Variants in SYT16 observed in about 807,000 individuals in gnomAD.
SYT16 encodes synaptotagmin-16.
Under a neutral mutation model 61.4 loss-of-function variants are expected in SYT16, and 42 were observed. That is an observed-to-expected ratio of 0.68 (90% CI 0.53 to 0.89). The LOEUF (loss-of-function observed/expected upper bound fraction) is 0.89. Among genes scored for constraint, SYT16 ranks in the 40% least tolerant of loss-of-function variants. SYT16 has a pLI of 0.00. For missense variants in SYT16, 804 were observed against 807.3 expected (o/e 1.00, Z 0.05); for synonymous variants, 314 against 302.3 (o/e 1.04, Z -0.40).
intron 1 of SYT16, among the ~76,000 whole-genome samples, chr14:61,850,563 T>TA (rs991646642): frequency 1.3e-5 from 2 of 152,234 alleles, no homozygotes; most frequent in South Asian, 2.1e-4. Flanking sequence ...GTTCTTAAAA[T>TA]AAAAAACATT....
At chr14:61,925,351 T>C (rs1021669009) in intron 1 of SYT16, among the ~76,000 whole-genome samples, 2 of 152,212 alleles carry the variant, frequency 1.3e-5, no homozygotes, top group Non-Finnish European at 2.9e-5. Context: ...TGGCCAGTTT[T>C]AGTTAATTTG....
intron 1 of SYT16, among the ~76,000 whole-genome samples, chr14:61,920,414 C>T (rs956750135): frequency 2.0e-5 from 3 of 152,100 alleles, no homozygotes; most frequent in South Asian, 2.1e-4. Context: ...TCCTAATGCT[C>T]TCCCTCCCCT....
At chr14:61,897,637 T>G (rs369369199) in intron 1 of SYT16, among the ~76,000 whole-genome samples, 33 of 152,276 alleles carry the variant, frequency 2.2e-4, no homozygotes, top group African/African-American at 7.9e-4. Context: ...AATATGTGAT[T>G]CAGGGAGCTC....
chr14:61,828,699 A>G (rs2045847913), intron 1 of SYT16, among the ~76,000 whole-genome samples: 1 of 152,240 alleles, frequency 6.6e-6, no homozygotes, highest in South Asian at 2.1e-4. Flanking sequence ...CTGAGTGTAA[A>G]GGAGAATTGG....
In SYT16 at chr14:62,103,680, G is replaced by C. The variant is rs2057462492; in HGVS notation, c.*2973G>C. The C allele has an allele frequency of 6.6e-6, 1 of 152,094 alleles. No homozygotes were observed. The highest frequency in any genetic ancestry group is 6.5e-5 in the Admixed American group (1 of 15,268). 9.4% of individuals were successfully genotyped at this position (152,094 alleles called of 1,614,324 possible). A position where few individuals can be genotyped will look rare whatever the true frequency, so the allele number is the denominator to read the frequency against. The stretch of plus-strand genomic sequence containing the variant: ...TCCCAGTGTGATGCACAGTTGTTTT[G>C]GACTCTGTTTTTGCTGATGCTGCAT... On this transcript the variant is annotated 3_prime_UTR_variant, in exon 8 of 8. Transcript: ENST00000683842.
intron 3 of SYT16, among the ~76,000 whole-genome samples, chr14:62,036,976 A>G (rs1274438744): frequency 6.6e-6 from 1 of 152,168 alleles, no homozygotes; most frequent in Non-Finnish European, 1.5e-5. Context: ...GAGGAAAATG[A>G]GGCTGTGTTG....
chr14:61,962,033 G>A (rs953636687), intron 1 of SYT16, among the ~76,000 whole-genome samples: 9 of 151,998 alleles, frequency 5.9e-5, no homozygotes, highest in East Asian at 1.9e-4. Flanking sequence ...ATCAAATAAC[G>A]CCTGTTCTTA....
At chr14:62,027,082 C>T (rs1395441703) in intron 3 of SYT16, among the ~76,000 whole-genome samples, 3 of 152,128 alleles carry the variant, frequency 2.0e-5, no homozygotes, top group African/African-American at 4.8e-5. Flanking sequence ...AAACTAACTT[C>T]TCTGTCATTT....
At chr14:61,854,790 G>T (rs2046724974) in intron 1 of SYT16, among the ~76,000 whole-genome samples, 1 of 151,644 alleles carries the variant, frequency 6.6e-6, no homozygotes, top group South Asian at 2.1e-4. Context: ...GCAGTTTTTT[G>T]CAGTGTGTTT....
chr14:61,971,044 G>A (rs1426168325), intron 2 of SYT16, among the ~76,000 whole-genome samples: 1 of 151,934 alleles, frequency 6.6e-6, no homozygotes, highest in Non-Finnish European at 1.5e-5. Flanking sequence ...TTGAGTGAAG[G>A]GAAGGTCTTG....
chr14:62,065,008 C>T (rs557259342), intron 3 of SYT16, among the ~76,000 whole-genome samples: 1 of 152,278 alleles, frequency 6.6e-6, no homozygotes, highest in East Asian at 1.9e-4. Flanking sequence ...CTTAGAATAG[C>T]ACGTGTGGAT....
At chr14:61,846,725 C>T (rs1165821663) in intron 1 of SYT16, among the ~76,000 whole-genome samples, 2 of 151,978 alleles carry the variant, frequency 1.3e-5, no homozygotes, top group African/African-American at 4.8e-5. Context: ...ATGGTCTTCT[C>T]TTCCTTCTTT....
chr14:61,935,390 A>G (rs879148550), intron 1 of SYT16, among the ~76,000 whole-genome samples: 1 of 151,662 alleles, frequency 6.6e-6, no homozygotes, highest in Non-Finnish European at 1.5e-5. Flanking sequence ...ATATTTTTTC[A>G]TTATAGTTTG....
chr14:61,962,025 C>G (rs1271587854), intron 1 of SYT16, among the ~76,000 whole-genome samples: 1 of 152,032 alleles, frequency 6.6e-6, no homozygotes. Context: ...GACAGAAAAT[C>G]AAATAACGCC....
intron 1 of SYT16, among the ~76,000 whole-genome samples, chr14:61,854,927 G>A (rs1210039619): frequency 1.3e-5 from 2 of 151,914 alleles, no homozygotes; most frequent in Non-Finnish European, 2.9e-5. Flanking sequence ...ATATAGAAGA[G>A]GACTTGTGGG....
At chr14:62,065,537 A>G (rs906039369) in intron 3 of SYT16, among the ~76,000 whole-genome samples, 2 of 152,362 alleles carry the variant, frequency 1.3e-5, no homozygotes, top group Admixed American at 1.3e-4. Context: ...CTAATAAATT[A>G]GTTGCAATTA....
At chr14:61,844,576 A>G (rs2046387562) in intron 1 of SYT16, among the ~76,000 whole-genome samples, 1 of 152,018 alleles carries the variant, frequency 6.6e-6, no homozygotes, top group South Asian at 2.1e-4. Flanking sequence ...CCATTTTTTT[A>G]GAGTTTTTAT....
chr14:61,922,313 A>C (rs1454707495), intron 1 of SYT16, among the ~76,000 whole-genome samples: 1 of 152,264 alleles, frequency 6.6e-6, no homozygotes, highest in Non-Finnish European at 1.5e-5. Flanking sequence ...TTGGATAAAG[A>C]AAATGTGGTC....
intron 3 of SYT16, among the ~76,000 whole-genome samples, chr14:62,064,712 G>C (rs1463225989): frequency 6.6e-6 from 1 of 152,104 alleles, no homozygotes; most frequent in Non-Finnish European, 1.5e-5. Context: ...CTTATAAACT[G>C]TTATGACTGT....
Sources: gnomAD v4.1 joint callset for allele counts (sites outside exome capture counted in the v4.1 genomes callset) on GRCh38, gnomAD v4.1.1 for gene constraint, MANE v1.5 for transcripts, NCBI Gene and HGNC (gene_info 2026-07-23, HGNC 2026-07-21) for gene names.